RP1: variants seen among roughly 807,000 people sequenced by gnomAD.
RP1 encodes the protein RP1 axonemal microtubule associated.
A neutral mutation model predicts 14.8 loss-of-function variants in RP1; 16 were observed. The observed-to-expected ratio is 1.08, with a 90% CI of 0.73 to 1.65. RP1 has a LOEUF of 1.65. Ranked by LOEUF, RP1 falls within the 40% of genes most tolerant of loss-of-function variation. The pLI is 0.00. For synonymous variants in RP1, 876 were observed against 883.6 expected, an observed-to-expected ratio of 0.99 and a Z score of 0.15; for missense variants, 2,631 against 2,535.0, an observed-to-expected ratio of 1.04 and a Z score of -0.81.
At chr8:54,595,182 T>A (rs1349033110) in intron 1 of RP1, among the ~76,000 whole-genome samples, 1 of 150,546 alleles carries the variant, frequency 6.6e-6, no homozygotes, top group Admixed American at 6.7e-5. Context: ...CAGGGTGGAG[T>A]GCAGTCGCGC....
At position 54,573,385 on chromosome 8, in the gene RP1, T is replaced by G. The variant is rs149879192; in HGVS notation, c.-13+14065T>G. Among the ~76,000 whole-genome samples, 1,260 of 152,308 alleles carry G rather than the reference T, an allele frequency of 8.3e-3. 8 individuals are homozygous for G. Among genetic ancestry groups the G allele is most frequent in the South Asian group, 0.018 (86 of 4,832 alleles). On this transcript the variant is annotated intron_variant, in intron 1 of 22. Transcript: ENST00000636932. ...TTGTGAAAAGAGAGGGAAGTTAAAT[T>G]GTTAGTGTTTAGTCTCATTTAATAT...
downstream of RP1, among the ~76,000 whole-genome samples, chr8:54,631,745 C>T (rs1806249709): frequency 6.6e-6 from 1 of 152,066 alleles, no homozygotes; most frequent in African/African-American, 2.4e-5. Context: ...AATGATCCTC[C>T]ATCCTCAGCT....
rs201909477 is a variant in RP1 at position 54,637,693 on chromosome 8, A to AT, written c.788-11284dup. 4.0e-3 allele frequency among the ~76,000 whole-genome samples: 615 copies of AT among 151,914 alleles called. 1 individual carries two copies. Among genetic ancestry groups the AT allele is most frequent in the African/African-American group, 0.012 (490 of 41,412 alleles). On this transcript the variant is annotated intron_variant, in intron 3 of 22. Coordinates refer to the RP1 transcript ENST00000636932. ...CCCACTTCATATCTCTGCCAATATA[A>AT]TTTTTTTTATTAAATTACAGGGCTT...
chr8:54,854,839 T>G (rs1176487759), intron 26 of RP1, among the ~76,000 whole-genome samples: 2 of 152,198 alleles, frequency 1.3e-5, no homozygotes, highest in Non-Finnish European at 2.9e-5. Context: ...CACTCCAGCC[T>G]GGGTGACAGA....
intron 24 of RP1, among the ~76,000 whole-genome samples, chr8:54,805,618 T>A (rs752595097): frequency 3.9e-5 from 6 of 152,178 alleles, no homozygotes; most frequent in Non-Finnish European, 8.8e-5. Context: ...GCAAGCAACC[T>A]GGTTGGACTC....
At chr8:54,575,368 T>C (rs1374221381) in intron 1 of RP1, among the ~76,000 whole-genome samples, 1 of 150,364 alleles carries the variant, frequency 6.7e-6, no homozygotes, top group Non-Finnish European at 1.5e-5. Flanking sequence ...TGTCTATTTC[T>C]TTCTTTAAGA....
chr8:54,719,778 G>C (rs1808491657), intron 15 of RP1, among the ~76,000 whole-genome samples: 1 of 152,098 alleles, frequency 6.6e-6, no homozygotes, highest in Non-Finnish European at 1.5e-5. Context: ...CCATTTTAGA[G>C]TATTTTCTAA....
intron 19 of RP1, among the ~76,000 whole-genome samples, chr8:54,745,543 A>T (rs1051137143): frequency 3.9e-5 from 6 of 152,210 alleles, no homozygotes; most frequent in Admixed American, 3.9e-4. Context: ...TTGCTGTTGT[A>T]AATCAGCAGG....
rs144574014 is a variant in RP1 at position 54,563,977 on chromosome 8, A to G, written c.-13+4657A>G. ...AGAAATGTTGGCTATTTCATTAGAA[A>G]TGTGAGTAAACTCATCCCAGGAGCT... On this transcript the variant is annotated intron_variant, in intron 1 of 22. Coordinates refer to the RP1 transcript ENST00000636932. Among the ~76,000 whole-genome samples the G allele has an allele frequency of 9.8e-3, 1,497 of 152,322 alleles. 20 individuals carry two copies. The highest frequency in any genetic ancestry group is 0.034 in the African/African-American group (1,419 of 41,570).
At chr8:54,698,159 A>C (rs1323269932) in intron 12 of RP1, among the ~76,000 whole-genome samples, 1 of 152,240 alleles carries the variant, frequency 6.6e-6, no homozygotes, top group Non-Finnish European at 1.5e-5. Flanking sequence ...AAGGGCTAAT[A>C]TCCAGAATCT....
At chr8:54,746,386 T>G (rs530468633) in intron 19 of RP1, among the ~76,000 whole-genome samples, 1 of 152,300 alleles carries the variant, frequency 6.6e-6, no homozygotes, top group African/African-American at 2.4e-5. Flanking sequence ...TGATCATACT[T>G]TAGAGGCCTT....
intron 23 of RP1, among the ~76,000 whole-genome samples, chr8:54,775,844 T>C (rs960455286): frequency 1.3e-5 from 2 of 152,216 alleles, no homozygotes; most frequent in Admixed American, 6.5e-5. Flanking sequence ...CATGAATTTC[T>C]CTCCTAATGA....
chr8:54,839,679 A>C (rs1194018574), intron 25 of RP1, among the ~76,000 whole-genome samples: 2 of 152,066 alleles, frequency 1.3e-5, no homozygotes, highest in African/African-American at 2.4e-5. Context: ...CTCCACCAGC[A>C]TCTCCTTGAT....
At chr8:54,832,277 A>G (rs967859069) in intron 24 of RP1, among the ~76,000 whole-genome samples, 1 of 151,766 alleles carries the variant, frequency 6.6e-6, no homozygotes, top group Non-Finnish European at 1.5e-5. Context: ...AATTATATAT[A>G]TGTTAGTTTA....
chr8:54,689,172 G>T (rs943139797), intron 12 of RP1, among the ~76,000 whole-genome samples: 1 of 152,116 alleles, frequency 6.6e-6, no homozygotes, highest in Non-Finnish European at 1.5e-5. Context: ...TGTATCCTGA[G>T]ACTTTGCTGA....
At chr8:54,563,409 G>A (rs936256551) in intron 1 of RP1, among the ~76,000 whole-genome samples, 12 of 152,206 alleles carry the variant, frequency 7.9e-5, no homozygotes, top group Admixed American at 5.9e-4. Context: ...TTACCTCCCC[G>A]GGTACCCATG....
At chr8:54,576,815 C>T (rs951449919) in intron 1 of RP1, among the ~76,000 whole-genome samples, 2 of 152,170 alleles carry the variant, frequency 1.3e-5, no homozygotes, top group African/African-American at 2.4e-5. Flanking sequence ...TCCTACAACA[C>T]TGGCCAACCA....
At chr8:54,803,281 C>T (rs532048558) in intron 24 of RP1, among the ~76,000 whole-genome samples, 47 of 152,090 alleles carry the variant, frequency 3.1e-4, no homozygotes, top group African/African-American at 1.0e-3. Context: ...GTCTCGTGGA[C>T]GGGACTGGAG....
In RP1 at chr8:54,627,914, T is replaced by C; in HGVS notation, c.4032T>C (p.Phe1344=). Residue 1344 remains phenylalanine, a synonymous_variant, in exon 4 of 4, where the codon TTT becomes TTC. Transcript: ENST00000220676. ...VPVNVCNTID[F]LNSKENTYTD... is the part of the protein sequence containing the mutation. The stretch of plus-strand genomic sequence containing the variant: ...TCAATGTCTGCAATACCATTGACTT[T>C]TTAAACTCCAAAGAAAACACATATA... 1.2e-6 allele frequency: 2 copies of C among 1,614,164 alleles called. No individual in the cohort carries two copies. Among genetic ancestry groups the C allele is most frequent in the Non-Finnish European group, 1.7e-6 (2 of 1,179,988 alleles).
Sources: gnomAD v4.1 joint callset for allele counts (sites outside exome capture counted in the v4.1 genomes callset) on GRCh38, gnomAD v4.1.1 for gene constraint, MANE v1.5 for transcripts, NCBI Gene and HGNC (gene_info 2026-07-23, HGNC 2026-07-21) for gene names.